WASF3: variants seen among roughly 807,000 people sequenced by gnomAD.
The protein encoded by WASF3 is actin-binding protein WASF3.
WASF3 carries 11 observed loss-of-function variants against 46.6 expected under a neutral mutation model. That is an observed-to-expected ratio of 0.24 (90% CI 0.15 to 0.39). The LOEUF is 0.39. Among genes scored for constraint, WASF3 ranks in the 10% least tolerant of loss-of-function variants. The pLI, the probability that WASF3 is intolerant of heterozygous loss-of-function variation, is 1.00. For synonymous variants in WASF3, 242 were observed against 259.7 expected (o/e 0.93, Z 0.65); for missense variants, 576 against 669.8 (o/e 0.86, Z 1.55).
chr13:26,605,127 A>T (rs1880754567), intron 1 of WASF3, among the ~76,000 whole-genome samples: 1 of 152,128 alleles, frequency 6.6e-6, no homozygotes, highest in Non-Finnish European at 1.5e-5. Context: ...TCCAGTTCTC[A>T]GTCTGCCTTT....
Position 26,685,942 on chromosome 13 carries a change from C to G in WASF3, c.*97C>G. On this transcript the variant is annotated 3_prime_UTR_variant, in exon 10 of 10. Coordinates refer to ENST00000335327, the MANE Select transcript of WASF3 (RefSeq NM_006646.6). ...GGTATTCTAATCCCGTAGCATAGCA[C>G]CTTTTGTATAAACAATGTGATATTG... The G allele has an allele frequency of 6.8e-7, 1 of 1,469,086 alleles. No individual in the cohort carries two copies. The highest frequency in any genetic ancestry group is 9.1e-7 in the Non-Finnish European group (1 of 1,096,300). The allele number at this position is 1,469,086 out of a possible 1,614,324, so 91.0% of individuals were successfully genotyped here. A position where few individuals can be genotyped will look rare whatever the true frequency, so the allele number is the denominator to read the frequency against.
intron 1 of WASF3, among the ~76,000 whole-genome samples, chr13:26,607,920 G>A (rs1291387649): frequency 6.6e-6 from 1 of 152,176 alleles, no homozygotes; most frequent in Non-Finnish European, 1.5e-5. Context: ...ACAGGCATGA[G>A]CCACCGTACC....
rs146432584 is a variant in WASF3 at position 26,568,249 on chromosome 13, CAG to C, written c.-109+10431_-109+10432del. 9.8e-3 allele frequency among the ~76,000 whole-genome samples: 1,490 copies of C among 152,134 alleles called. 26 individuals carry two copies. The highest frequency in any genetic ancestry group is 0.034 in the African/African-American group (1,425 of 41,484). On this transcript the variant is annotated intron_variant, in intron 1 of 9. Transcript: ENST00000335327. ...CTAGGACTGCTGTGTAGAGGATAGACAGGGGACAAAGGTAGAAGGTGGGTGTC... is the reference window on the plus strand; with the variant it reads ...CTAGGACTGCTGTGTAGAGGATAGACGGGACAAAGGTAGAAGGTGGGTGTC...
At chr13:26,624,495 G>A (rs1336331645) in intron 2 of WASF3, among the ~76,000 whole-genome samples, 1 of 152,060 alleles carries the variant, frequency 6.6e-6, no homozygotes, top group Non-Finnish European at 1.5e-5. Context: ...ACATGTAATT[G>A]GAAACCCAGA....
chr13:26,679,903 T>G lies in WASF3; in HGVS notation c.717-1151T>G. ...GGAAAAGAAGCTGTCTCTTCTCATT[T>G]GGAAGGCTTTTCTGTGCCACATGGT... On this transcript the variant is annotated intron_variant, in intron 7 of 9. Coordinates refer to ENST00000335327, the MANE Select transcript of WASF3 (RefSeq NM_006646.6). The surrounding 1 kb of genome is among the most constrained non-coding windows in gnomAD (Gnocchi z 4.8). 9.7e-7 allele frequency: 1 copy of G among 1,027,754 alleles called. No homozygotes were observed. The highest frequency in any genetic ancestry group is 1.4e-6 in the Non-Finnish European group (1 of 722,120). 63.7% of individuals were successfully genotyped at this position (1,027,754 alleles called of 1,614,324 possible).
rs1880277853 is a variant in WASF3 at position 26,591,056 on chromosome 13, C to T, written c.-108-21905C>T. Among the ~76,000 whole-genome samples the T allele has an allele frequency of 2.0e-5, 3 of 150,986 alleles. No homozygotes were observed. The Admixed American group carries it at 2.0e-4, about 10-fold the overall frequency. ...GTGTAGGTGGGTGGGGCGGAACATT[C>T]CAGGAGAGATGGTAGCAAGTGCAAA... On this transcript the variant is annotated intron_variant, in intron 1 of 9. Transcript: ENST00000335327.
rs568120899 is a variant in WASF3, at chr13:26,651,331, ACAAAAAC to A, written c.133+8942_133+8948del. On this transcript the variant is annotated intron_variant, in intron 3 of 9. Transcript: ENST00000335327. Reference sequence around the variant, plus strand: ...GCAAGACTCTAAAAAAACACAAAAAACAAAAACCAAAAACCAAAAATTTTGCTAAAGG... The same window carrying A: ...GCAAGACTCTAAAAAAACACAAAAAACAAAAACCAAAAATTTTGCTAAAGG... 7.2e-5 allele frequency among the ~76,000 whole-genome samples: 11 copies of A among 152,154 alleles called. No individual in the cohort carries two copies. In the South Asian group the frequency reaches 1.0e-3, roughly 14 times the overall value.
chr13:26,666,866 CAAA>C (rs1168774717), intron 4 of WASF3, among the ~76,000 whole-genome samples: 2 of 62,804 alleles, frequency 3.2e-5, no homozygotes, highest in East Asian at 5.9e-4. Context: ...AAGACTGTCT[CAAA>C]AAAAAAAAAA....
intron 2 of WASF3, among the ~76,000 whole-genome samples, chr13:26,634,015 G>A (rs980235355): frequency 1.3e-5 from 2 of 152,188 alleles, no homozygotes; most frequent in Non-Finnish European, 2.9e-5. Context: ...TCCACTTGGT[G>A]CAGAGCTGAG....
At chr13:26,572,204 G>T (rs1179154988) in intron 1 of WASF3, among the ~76,000 whole-genome samples, 1 of 152,130 alleles carries the variant, frequency 6.6e-6, no homozygotes, top group Non-Finnish European at 1.5e-5. Context: ...TTGCCTTGGT[G>T]AATACCTTCA....
At chr13:26,655,255 A>C (rs1882433288) in intron 3 of WASF3, among the ~76,000 whole-genome samples, 1 of 151,968 alleles carries the variant, frequency 6.6e-6, no homozygotes, top group African/African-American at 2.4e-5. Context: ...TATGACCTTG[A>C]CACTTTAGAA....
Position 26,613,047 on chromosome 13 carries a change from A to G in WASF3, c.-22A>G, listed in dbSNP as rs575617024. ...AGGGGAATTTCTGCAACCCATAGTC[A>G]ACGATTACATGGTAAGAGTGTGTGC... On this transcript the variant is annotated 5_prime_UTR_variant, in exon 2 of 10. Transcript: ENST00000335327. The G allele has an allele frequency of 2.6e-5, 4 of 152,226 alleles. No individual in the cohort carries two copies. The East Asian group carries it at 5.8e-4, about 22-fold the overall frequency. 9.4% of individuals were successfully genotyped at this position (152,226 alleles called of 1,614,324 possible).
At chr13:26,610,642 C>T (rs984576686) in intron 1 of WASF3, among the ~76,000 whole-genome samples, 1 of 152,064 alleles carries the variant, frequency 6.6e-6, no homozygotes, top group Admixed American at 6.5e-5. Context: ...GATGCAAGGC[C>T]AGAGGTAGGA....
chr13:26,631,666 G>A (rs557376237), intron 2 of WASF3, among the ~76,000 whole-genome samples: 26 of 152,094 alleles, frequency 1.7e-4, no homozygotes, highest in African/African-American at 3.9e-4. Flanking sequence ...CTCTTTTTTC[G>A]TTCCATATGA....
At chr13:26,637,234 C>T (rs1881855606) in intron 2 of WASF3, among the ~76,000 whole-genome samples, 1 of 152,206 alleles carries the variant, frequency 6.6e-6, no homozygotes, top group African/African-American at 2.4e-5. Flanking sequence ...GGAGAGGCCT[C>T]TGCAGCATAT....
At chr13:26,668,479 G>T (rs1263969927) in intron 5 of WASF3, among the ~76,000 whole-genome samples, 1 of 152,232 alleles carries the variant, frequency 6.6e-6, no homozygotes, top group Non-Finnish European at 1.5e-5. Flanking sequence ...CCCCGGGCCA[G>T]CTCTCTGGTG....
upstream of WASF3, among the ~76,000 whole-genome samples, chr13:26,553,121 G>C (rs914093355): frequency 2.6e-5 from 4 of 152,172 alleles, no homozygotes; most frequent in Non-Finnish European, 5.9e-5. Flanking sequence ...CTAGACAGCT[G>C]CATCTCACTG....
intron 9 of WASF3, 130 bp from the exon 10 acceptor site, chr13:26,685,558 C>G: frequency 1.8e-6 from 2 of 1,105,434 alleles, no homozygotes; most frequent in African/African-American, 3.1e-5. Flanking sequence ...GCTTTTCTCC[C>G]CTCAAATTTC....
At chr13:26,643,857 C>T (rs1485104651) in intron 3 of WASF3, among the ~76,000 whole-genome samples, 1 of 152,196 alleles carries the variant, frequency 6.6e-6, no homozygotes, top group Non-Finnish European at 1.5e-5. Context: ...CACAGTATGC[C>T]TTGTTCTACA....
Sources: allele counts gnomAD v4.1 joint callset (sites outside exome capture counted in the v4.1 genomes callset), GRCh38; gene constraint gnomAD v4.1.1; non-coding constraint Gnocchi (gnomAD v3.1); transcripts MANE v1.5; gene names NCBI Gene and HGNC (gene_info 2026-07-23, HGNC 2026-07-21).